L2HGDH: variants seen among roughly 807,000 people sequenced by gnomAD.
The protein encoded by L2HGDH is L-2-hydroxyglutarate dehydrogenase.
A neutral mutation model predicts 51.5 loss-of-function variants in L2HGDH; 34 were observed. The observed-to-expected ratio is 0.66, with a 90% confidence interval of 0.50 to 0.88. The LOEUF (loss-of-function observed/expected upper bound fraction) is 0.88, where lower values mean the gene tolerates loss of function less well. Ranked by LOEUF, L2HGDH falls within the 40% of genes least tolerant of loss-of-function variation. The pLI, the probability that L2HGDH is intolerant of heterozygous loss-of-function variation, is 0.00. For missense variants in L2HGDH, 558 were observed against 571.9 expected, an observed-to-expected ratio of 0.98 and a Z score of 0.25; for synonymous variants, 198 against 197.9, an observed-to-expected ratio of 1.00 and a Z score of -0.01.
chr14:50,285,352 C>A (rs1444139205), intron 4 of L2HGDH, among the ~76,000 whole-genome samples: 2 of 152,168 alleles, frequency 1.3e-5, no homozygotes, highest in African/African-American at 4.8e-5. Context: ...TCTTTTTTAA[C>A]AAATTGAAAG....
Position 50,246,994 on chromosome 14 carries a change from T to C in L2HGDH, c.*64A>G. On this transcript the variant is annotated 3_prime_UTR_variant, in exon 10 of 10. Coordinates refer to ENST00000267436, the MANE Select transcript of L2HGDH (RefSeq NM_024884.3). Reference sequence around the variant, plus strand: ...AAAAACCATTTTTTAAATTAAAGAATGCAATTAGTACATTCTTGTTGCTGA... The same window carrying C: ...AAAAACCATTTTTTAAATTAAAGAACGCAATTAGTACATTCTTGTTGCTGA... The C allele has an allele frequency of 5.2e-6, 8 of 1,550,948 alleles. No homozygotes were observed. The highest frequency in any genetic ancestry group is 7.0e-6 in the Non-Finnish European group (8 of 1,141,884).
chr14:50,282,776 T>C (rs1325759831), intron 5 of L2HGDH, among the ~76,000 whole-genome samples: 1 of 152,174 alleles, frequency 6.6e-6, no homozygotes, highest in Non-Finnish European at 1.5e-5. Context: ...GCACAGTGGC[T>C]CACGCCCGTA....
At position 50,295,572 on chromosome 14, in the gene L2HGDH, A is replaced by ATTT. The variant is rs545388262; in HGVS notation, c.409-1329_409-1327dup. On this transcript the variant is annotated intron_variant, in intron 3 of 9. Transcript: ENST00000267436. ...CAGGCATGTGCACCACACTCGGCTA[A>ATTT]TTTTTTTTTTTTTTTTTTTTTTTTT... Among the ~76,000 whole-genome samples, 41 of 105,800 alleles carry ATTT rather than the reference A, an allele frequency of 3.9e-4. 2 individuals carry two copies. The highest frequency in any genetic ancestry group is 1.0e-3 in the African/African-American group (24 of 23,926). The allele number at this position is 105,800 out of a possible 152,430, so 69.4% of individuals were successfully genotyped here.
Position 50,243,047 on chromosome 14 carries a change from A to C in L2HGDH, c.*4011T>G. ...CCACCATCCTTTGAAGAAAGTTCTA[A>C]GAGTTAAGGTTATCCCACAGGCTAC... On this transcript the variant is annotated 3_prime_UTR_variant, in exon 10 of 10. Transcript: ENST00000267436. 1 of 985,428 alleles carries C rather than the reference A, an allele frequency of 1.0e-6. No homozygotes were observed. Among genetic ancestry groups the C allele is most frequent in the South Asian group, 4.7e-5 (1 of 21,284 alleles). The allele number at this position is 985,428 out of a possible 1,614,324, so 61.0% of individuals were successfully genotyped here.
Position 50,244,677 on chromosome 14 carries a change from C to G in L2HGDH, c.*2381G>C, listed in dbSNP as rs1451248642. The G allele has an allele frequency of 1.0e-5, 10 of 985,308 alleles. No homozygotes were observed. The East Asian group carries it at 1.1e-3, about 112-fold the overall frequency. The allele number at this position is 985,308 out of a possible 1,614,324, so 61.0% of individuals were successfully genotyped here. ...TACCTGGGATGTGCTACTTCTTAAA[C>G]ATGAGCTGATGAAGTGTAGCCTTTC... On this transcript the variant is annotated 3_prime_UTR_variant, in exon 10 of 10. Coordinates refer to ENST00000267436, the MANE Select transcript of L2HGDH (RefSeq NM_024884.3).
intron 3 of L2HGDH, among the ~76,000 whole-genome samples, chr14:50,298,131 C>T (rs553490433): frequency 6.7e-6 from 1 of 150,038 alleles, no homozygotes; most frequent in Non-Finnish European, 1.5e-5. Context: ...GTAGTCCCAG[C>T]GACTTGGGAG....
At chr14:50,261,876 A>C (rs1458119845) in intron 9 of L2HGDH, among the ~76,000 whole-genome samples, 2 of 152,148 alleles carry the variant, frequency 1.3e-5, no homozygotes, top group East Asian at 3.9e-4. Flanking sequence ...TTATATTCCA[A>C]TCTCATGTTC....
At position 50,256,772 on chromosome 14, in the gene L2HGDH, A is replaced by G. The variant is rs1010998363; in HGVS notation, c.1196+8586T>C. On this transcript the variant is annotated intron_variant, in intron 9 of 9. Transcript: ENST00000267436. ...GGAAATCTATTTCCATCTTGTATTT[A>G]GTTTTATTTACTCAGATGGGATGCA... is the stretch of plus-strand genomic sequence containing the variant. 5.9e-5 allele frequency among the ~76,000 whole-genome samples: 9 copies of G among 151,466 alleles called. No individual in the cohort carries two copies. The South Asian group carries it at 6.2e-4, about 10-fold the overall frequency.
chr14:50,289,089 T>TA (rs1475917646), intron 4 of L2HGDH, among the ~76,000 whole-genome samples: 1 of 152,226 alleles, frequency 6.6e-6, no homozygotes, highest in Non-Finnish European at 1.5e-5. Flanking sequence ...ATTTCCCATA[T>TA]ATTCTCTGCT....
In L2HGDH at chr14:50,312,123, C is replaced by T; in HGVS notation, c.28G>A (p.Gly10Ser). MVPALRYLV[G>S]ACGRARGLFA... ...AGCCCGCGGGCCCGTCCGCAGGCAC[C>T]AACCAAATAACGCAGCGCTGGCACC... is the stretch of plus-strand genomic sequence containing the variant. The change falls in exon 1 of 10, where the codon GGT (glycine) becomes AGT (serine). Residue 10 changes from glycine to serine, a missense_variant. This residue lies in a region of L2HGDH where 194 missense variants were observed against 187.2 expected (regional missense o/e 1.04). Transcript: ENST00000267436. 1 of 1,610,296 alleles carries T rather than the reference C, an allele frequency of 6.2e-7. No homozygotes were observed. The highest frequency in any genetic ancestry group is 8.5e-7 in the Non-Finnish European group (1 of 1,178,948).
chr14:50,246,981 T>G lies in L2HGDH; in HGVS notation c.*77A>C. On this transcript the variant is annotated 3_prime_UTR_variant, in exon 10 of 10. Coordinates refer to ENST00000267436, the MANE Select transcript of L2HGDH (RefSeq NM_024884.3). The stretch of plus-strand genomic sequence containing the variant: ...AAAACTAAAGTTTAAAAACCATTTT[T>G]TAAATTAAAGAATGCAATTAGTACA... 1 of 1,523,122 alleles carries G rather than the reference T, an allele frequency of 6.6e-7. No individual in the cohort carries two copies. The highest frequency in any genetic ancestry group is 8.9e-7 in the Non-Finnish European group (1 of 1,126,268). 94.4% of individuals were successfully genotyped at this position (1,523,122 alleles called of 1,614,324 possible). A position where few individuals can be genotyped will look rare whatever the true frequency, so the allele number is the denominator to read the frequency against.
rs544937689 is a variant in L2HGDH at position 50,246,883 on chromosome 14, T to C, written c.*175A>G. ...GATTACAGGCATGCGCCACCATGCC[T>C]GGCTAATTTTTGTAGAAAATTATTA... On this transcript the variant is annotated 3_prime_UTR_variant, in exon 10 of 10. Coordinates refer to ENST00000267436, the MANE Select transcript of L2HGDH (RefSeq NM_024884.3). The C allele has an allele frequency of 1.3e-5, 16 of 1,189,218 alleles. No homozygotes were observed. The South Asian group carries it at 2.7e-4, about 20-fold the overall frequency. 73.7% of individuals were successfully genotyped at this position (1,189,218 alleles called of 1,614,324 possible). A position where few individuals can be genotyped will look rare whatever the true frequency, so the allele number is the denominator to read the frequency against.
intron 5 of L2HGDH, among the ~76,000 whole-genome samples, chr14:50,280,328 G>A (rs1190839065): frequency 1.3e-5 from 2 of 151,682 alleles, no homozygotes; most frequent in Non-Finnish European, 2.9e-5. Flanking sequence ...CACCACACCC[G>A]GCTAATTTTT....
At chr14:50,290,190 C>G (rs1890796017) in intron 4 of L2HGDH, among the ~76,000 whole-genome samples, 2 of 152,014 alleles carry the variant, frequency 1.3e-5, no homozygotes, top group Admixed American at 1.3e-4. Context: ...TGGCGTGAAC[C>G]CAAGAGTTGG....
intron 1 of L2HGDH, among the ~76,000 whole-genome samples, chr14:50,303,810 TAAA>T (rs5808550): frequency 8.8e-6 from 1 of 113,996 alleles, no homozygotes. Flanking sequence ...TTAGACGCAT[TAAA>T]AAAAAAAAAA....
rs1887868920 is a variant in L2HGDH at position 50,243,269 on chromosome 14, ACT to A, written c.*3787_*3788del. 1.0e-6 allele frequency: 1 copy of A among 985,228 alleles called. No individual in the cohort carries two copies. The highest frequency in any genetic ancestry group is 1.2e-6 in the Non-Finnish European group (1 of 829,912). 61.0% of individuals were successfully genotyped at this position (985,228 alleles called of 1,614,324 possible). ...GGTACATCAAGAGTTCCTCACAAAC[ACT>A]CTGAAGTTAAAATCTAAAATGCTCC... On this transcript the variant is annotated 3_prime_UTR_variant, in exon 10 of 10. Transcript: ENST00000267436.
At chr14:50,276,870 T>C (rs1046894315) in intron 6 of L2HGDH, among the ~76,000 whole-genome samples, 1 of 152,232 alleles carries the variant, frequency 6.6e-6, no homozygotes, top group Non-Finnish European at 1.5e-5. Context: ...TCAGTACTAC[T>C]GACTTTGGGG....
At chr14:50,259,985 C>CAGAGAGAGAGAGAG (rs34001223) in intron 9 of L2HGDH, among the ~76,000 whole-genome samples, 1 of 142,370 alleles carries the variant, frequency 7.0e-6, no homozygotes, top group Non-Finnish European at 1.5e-5. Context: ...GAGAAGAAGA[C>CAGAGAGAGAGAGAG]AGAGAGAGAG....
chr14:50,310,926 CTTTTCTTTTCTTTTTTTT>C (rs1240362395), intron 1 of L2HGDH, among the ~76,000 whole-genome samples: 1 of 126,520 alleles, frequency 7.9e-6, no homozygotes, highest in Non-Finnish European at 1.7e-5. Context: ...TTCTTTTTTT[CTTTTCTTTTCTTTTTTTT>C]TTTTTTTTTT....
Sources: gnomAD v4.1 joint callset for allele counts (sites outside exome capture counted in the v4.1 genomes callset) on GRCh38, gnomAD v4.1.1 for gene constraint, gnomAD v4.1.1 regional missense constraint, MANE v1.5 for transcripts, NCBI Gene and HGNC (gene_info 2026-07-23, HGNC 2026-07-21) for gene names.